The following SMAD1 variants were observed in gnomAD, a reference collection of about 807,000 sequenced individuals.
SMAD1 encodes SMAD family member 1.
A neutral mutation model predicts 41.6 loss-of-function variants in SMAD1; 6 were observed. The ratio of observed to expected loss-of-function variants is 0.14; its 90% CI spans 0.08 to 0.28. SMAD1 has a LOEUF of 0.28. Ranked by LOEUF, SMAD1 falls within the 10% of genes least tolerant of loss-of-function variation. The pLI, the probability that SMAD1 is intolerant of heterozygous loss-of-function variation, is 1.00. For missense variants in SMAD1, 379 were observed against 582.6 expected (o/e 0.65, Z 3.60); for synonymous variants, 206 against 203.2 (o/e 1.01, Z -0.12).
intron 2 of SMAD1, among the ~76,000 whole-genome samples, chr4:145,534,254 A>T (rs940406289): frequency 6.6e-6 from 1 of 152,362 alleles, no homozygotes. Context: ...CAGCAGTGCT[A>T]GCAACTAATG....
At chr4:145,496,518 C>T (rs1000783208) in intron 1 of SMAD1, among the ~76,000 whole-genome samples, 2 of 151,870 alleles carry the variant, frequency 1.3e-5, no homozygotes, top group Non-Finnish European at 2.9e-5. Context: ...TATAGTTGAC[C>T]CTTGACCAAT....
chr4:145,551,511 A>G (rs1375151500), intron 5 of SMAD1, among the ~76,000 whole-genome samples: 2 of 152,236 alleles, frequency 1.3e-5, no homozygotes, highest in Non-Finnish European at 2.9e-5. Flanking sequence ...AAATTAAAAG[A>G]CAAAGGACTA....
chr4:145,513,468 A>G (rs1335860597), intron 1 of SMAD1: 1 of 152,230 alleles, frequency 6.6e-6, no homozygotes, highest in Non-Finnish European at 1.5e-5. Flanking sequence ...CAACTTGGCT[A>G]AAGAATTTGG....
intron 4 of SMAD1, among the ~76,000 whole-genome samples, 181 bp downstream of exon 4, chr4:145,542,879 A>G (rs997781861): frequency 4.6e-5 from 7 of 152,258 alleles, no homozygotes; most frequent in African/African-American, 1.7e-4. Context: ...TAAAGAACAA[A>G]TACACTGACT....
chr4:145,492,720 C>T (rs2126942453), intron 1 of SMAD1, among the ~76,000 whole-genome samples: 1 of 152,328 alleles, frequency 6.6e-6, no homozygotes, highest in Non-Finnish European at 1.5e-5. Flanking sequence ...ATCTTGCCAC[C>T]ATCCTAAAGC....
intron 4 of SMAD1, among the ~76,000 whole-genome samples, chr4:145,543,651 A>G (rs1320092606): frequency 6.6e-6 from 1 of 152,154 alleles, no homozygotes; most frequent in East Asian, 1.9e-4. Context: ...GACCGAGTGG[A>G]GGATGCCATC....
chr4:145,557,694 C>T (rs1299869767), intron 6 of SMAD1, 97 bp from the exon 7 acceptor site: 5 of 938,016 alleles, frequency 5.3e-6, no homozygotes, highest in Non-Finnish European at 7.8e-6. Flanking sequence ...AGATGCATAG[C>T]TTTAATCAGA....
chr4:145,527,685 T>G (rs1287393832), intron 2 of SMAD1, among the ~76,000 whole-genome samples: 1 of 152,098 alleles, frequency 6.6e-6, no homozygotes, highest in Non-Finnish European at 1.5e-5. Context: ...TGTGCTATAC[T>G]GCTTCCCAAA....
intron 2 of SMAD1, among the ~76,000 whole-genome samples, chr4:145,526,872 C>T (rs72946734): frequency 0.17 from 25,845 of 152,080 alleles, 5,054 homozygotes; most frequent in African/African-American, 0.47. Context: ...TAACTTTGAC[C>T]TTGGGTTAGT....
intron 5 of SMAD1, among the ~76,000 whole-genome samples, chr4:145,547,876 T>C (rs1283057791): frequency 1.4e-5 from 2 of 148,090 alleles, no homozygotes; most frequent in East Asian, 3.9e-4. Flanking sequence ...TATGCGTTTT[T>C]ACTTGCGTAT....
chr4:145,511,463 G>A (rs1023662121), intron 1 of SMAD1, among the ~76,000 whole-genome samples: 1 of 151,992 alleles, frequency 6.6e-6, no homozygotes, highest in Admixed American at 6.6e-5. Flanking sequence ...GTAGAGATAG[G>A]GTCTTCCTGT....
Position 145,514,010 on chromosome 4 carries a change from T to C in SMAD1, c.-176-428T>C, listed in dbSNP as rs1730238477. Among the ~76,000 whole-genome samples the C allele has an allele frequency of 6.6e-6, 1 of 152,190 alleles. No individual in the cohort carries two copies. On this transcript the variant is annotated intron_variant, in intron 1 of 6. Coordinates refer to ENST00000302085, the MANE Select transcript of SMAD1 (RefSeq NM_005900.3). The surrounding 1 kb of genome is among the most constrained non-coding windows in gnomAD (Gnocchi z 4.7). Reference sequence around the variant, plus strand: ...AATATCATAGACTGGGTGGCTTAAATAACAGAAATAGATTTTCTCTTTGTT... The same window carrying C: ...AATATCATAGACTGGGTGGCTTAAACAACAGAAATAGATTTTCTCTTTGTT...
intron 1 of SMAD1, chr4:145,497,481 A>G (rs950032283): frequency 6.6e-6 from 1 of 152,200 alleles, no homozygotes; most frequent in Non-Finnish European, 1.5e-5. Flanking sequence ...GAACTGTGTT[A>G]TACTCATTTT....
intron 1 of SMAD1, among the ~76,000 whole-genome samples, chr4:145,483,705 G>T (rs1034298538): frequency 1.3e-5 from 2 of 152,266 alleles, no homozygotes; most frequent in South Asian, 2.1e-4. Context: ...TCTTAGGAAG[G>T]TGTAGCTAGG....
chr4:145,547,024 A>G, intron 5 of SMAD1, 100 bp downstream of exon 5: 1 of 935,620 alleles, frequency 1.1e-6, no homozygotes, highest in Non-Finnish European at 1.7e-6. Flanking sequence ...GTTGTAGCAA[A>G]GACCAGGTAA....
intron 1 of SMAD1, among the ~76,000 whole-genome samples, chr4:145,491,842 C>A (rs1225137090): frequency 2.6e-5 from 4 of 152,056 alleles, no homozygotes; most frequent in African/African-American, 9.7e-5. Context: ...GAAATAGGCC[C>A]CTTTCTCTCC....
intron 4 of SMAD1, chr4:145,546,305 C>T (rs1381234634): frequency 1.6e-5 from 3 of 190,476 alleles, no homozygotes; most frequent in Non-Finnish European, 3.3e-5. Flanking sequence ...TTCTATTGTT[C>T]TCTTCCCACT....
intron 6 of SMAD1, among the ~76,000 whole-genome samples, chr4:145,557,315 C>G (rs6829932): frequency 1.3e-5 from 2 of 152,044 alleles, no homozygotes; most frequent in Admixed American, 1.3e-4. Flanking sequence ...CCGTTTTGCT[C>G]AGAGATTGAA....
intron 5 of SMAD1, among the ~76,000 whole-genome samples, chr4:145,551,974 CT>C: frequency 6.6e-6 from 1 of 152,130 alleles, no homozygotes; most frequent in South Asian, 2.1e-4. Flanking sequence ...CAGTGGTCCA[CT>C]AATGGGAAAA....
Sources: allele counts gnomAD v4.1 joint callset (sites outside exome capture counted in the v4.1 genomes callset), GRCh38; gene constraint gnomAD v4.1.1; non-coding constraint Gnocchi (gnomAD v3.1); transcripts MANE v1.5; gene names NCBI Gene and HGNC (gene_info 2026-07-23, HGNC 2026-07-21).